The following ATXN7 variants were observed in gnomAD, a reference collection of about 807,000 sequenced individuals.
ATXN7 encodes the protein ataxin-7.
In ATXN7, 12 loss-of-function variants were observed where a neutral mutation model predicts 70.5. That is an observed-to-expected ratio of 0.17 (90% CI 0.11 to 0.28). The LOEUF (loss-of-function observed/expected upper bound fraction) is 0.28. Ranked by LOEUF, ATXN7 falls within the 10% of genes least tolerant of loss-of-function variation. The probability of loss-of-function intolerance (pLI) is 1.00; values close to 1 mark genes in which losing one functional copy is unlikely to be tolerated. For synonymous variants in ATXN7, 498 were observed against 448.7 expected (o/e 1.11, Z -1.39); for missense variants, 1,256 against 1,131.7 (o/e 1.11, Z -1.58).
chr3:63,911,964 T>G (rs1015267067), intron 2 of ATXN7: 1 of 152,284 alleles, frequency 6.6e-6, no homozygotes, highest in African/African-American at 2.4e-5. Context: ...CCTCCATAGG[T>G]GGCTGCATTT....
intron 2 of ATXN7, chr3:63,900,572 G>C (rs2107267525): frequency 6.6e-6 from 1 of 152,406 alleles, no homozygotes; most frequent in South Asian, 2.1e-4. Context: ...CCAGAGAAGA[G>C]AGAAACAGGC....
intron 5 of ATXN7, among the ~76,000 whole-genome samples, chr3:63,956,272 A>C (rs1049828995): frequency 6.6e-6 from 1 of 152,210 alleles, no homozygotes; most frequent in African/African-American, 2.4e-5. Flanking sequence ...TGTACTAAAA[A>C]TACAAAAAAT....
At chr3:63,976,298 G>A (rs1040782002) in intron 5 of ATXN7, among the ~76,000 whole-genome samples, 1 of 152,142 alleles carries the variant, frequency 6.6e-6, no homozygotes, top group Non-Finnish European at 1.5e-5. Context: ...TTCTTGTGGG[G>A]GGAAAGCCAG....
rs981346851 is a variant in ATXN7 at position 64,002,229 on chromosome 3, T to A, written c.*2762T>A. 6 of 152,634 alleles carry A rather than the reference T, an allele frequency of 3.9e-5. No individual in the cohort carries two copies. The highest frequency in any genetic ancestry group is 4.8e-5 in the African/African-American group (2 of 41,454). 9.5% of individuals were successfully genotyped at this position (152,634 alleles called of 1,614,324 possible). On this transcript the variant is annotated 3_prime_UTR_variant, in exon 13 of 13. Coordinates refer to ENST00000674280, the MANE Select transcript of ATXN7 (RefSeq NM_001377405.1). ...CAATTGAGATCATCTAGTATTTATT[T>A]ATTAATTAATAAAAGTAAATACCTT...
chr3:63,998,287 G>C (rs1224005636), intron 12 of ATXN7: 1 of 983,714 alleles, frequency 1.0e-6, no homozygotes, highest in Non-Finnish European at 1.2e-6. Context: ...CCAGACATTT[G>C]TTACCAGTTT....
At chr3:63,935,756 G>T (rs755102244) in intron 4 of ATXN7, among the ~76,000 whole-genome samples, 14 of 147,910 alleles carry the variant, frequency 9.5e-5, no homozygotes, top group Non-Finnish European at 1.9e-4. Context: ...TAGTACCAAC[G>T]TTTTTTTTTT....
At chr3:63,989,710 G>C (rs1349637278) in intron 9 of ATXN7, among the ~76,000 whole-genome samples, 1 of 152,082 alleles carries the variant, frequency 6.6e-6, no homozygotes. Context: ...TTTATATCAG[G>C]CCACTTTGTA....
At chr3:63,926,393 G>A (rs965071306) in intron 4 of ATXN7, among the ~76,000 whole-genome samples, 2 of 152,226 alleles carry the variant, frequency 1.3e-5, no homozygotes, top group African/African-American at 4.8e-5. Context: ...CTTGTAGGAT[G>A]TGAGAGCTTC....
chr3:63,990,613 C>T (rs777928645), intron 10 of ATXN7, 125 bp from the exon 11 acceptor site: 10 of 1,470,270 alleles, frequency 6.8e-6, no homozygotes, highest in Admixed American at 1.7e-5. Context: ...TCATGCTTCA[C>T]AGCCTCCGGT....
intron 2 of ATXN7, among the ~76,000 whole-genome samples, 157 bp from the exon 3 acceptor site, chr3:63,912,431 C>T (rs1704062804): frequency 6.6e-6 from 1 of 151,098 alleles, no homozygotes; most frequent in Non-Finnish European, 1.5e-5. Flanking sequence ...GGGGGGTGGC[C>T]TTGAGGAGGC....
intron 1 of ATXN7, among the ~76,000 whole-genome samples, chr3:63,878,855 G>C (rs1415470019): frequency 6.6e-6 from 1 of 152,142 alleles, no homozygotes; most frequent in Non-Finnish European, 1.5e-5. Flanking sequence ...AGAGCAGGGA[G>C]GGAACAAGGA....
chr3:63,974,034 C>T (rs1405088925), intron 5 of ATXN7, among the ~76,000 whole-genome samples: 1 of 152,122 alleles, frequency 6.6e-6, no homozygotes, highest in Non-Finnish European at 1.5e-5. Context: ...TAACCTGTAG[C>T]TTGGTTTTCA....
intron 1 of ATXN7, among the ~76,000 whole-genome samples, chr3:63,890,120 A>T (rs1262565979): frequency 1.3e-5 from 2 of 152,168 alleles, no homozygotes; most frequent in African/African-American, 2.4e-5. Context: ...CATTAATGAT[A>T]CTCATTAAGT....
chr3:63,916,935 A>G (rs1340330754), intron 4 of ATXN7, among the ~76,000 whole-genome samples: 2 of 152,098 alleles, frequency 1.3e-5, no homozygotes, highest in Non-Finnish European at 2.9e-5. Context: ...TGTTGTTGAG[A>G]TGGAGTCTCG....
At chr3:63,919,412 C>G (rs769996707) in intron 4 of ATXN7, among the ~76,000 whole-genome samples, 4 of 152,130 alleles carry the variant, frequency 2.6e-5, no homozygotes, top group Non-Finnish European at 4.4e-5. Flanking sequence ...TCGCAGAATA[C>G]AGTCTTATTA....
At chr3:63,875,359 T>A (rs1559616904) in intron 1 of ATXN7, among the ~76,000 whole-genome samples, 1 of 152,130 alleles carries the variant, frequency 6.6e-6, no homozygotes, top group Non-Finnish European at 1.5e-5. Context: ...CCCAAAGTGC[T>A]GGGATTACAG....
rs1031462433 is a variant in ATXN7, at chr3:63,982,500, C to T, written c.1012+55C>T. The T allele has an allele frequency of 1.6e-5, 23 of 1,423,128 alleles. No homozygotes were observed. In the African/African-American group the frequency reaches 2.3e-4, roughly 14 times the overall value. The allele number at this position is 1,423,128 out of a possible 1,614,324, so 88.2% of individuals were successfully genotyped here. ...CTTCTCTATATATTAAATGGGCATT[C>T]GTGGGGAGCAAATCAACTGCAATCT... On this transcript the variant is annotated intron_variant, in intron 7 of 12. Coordinates refer to ENST00000674280, the MANE Select transcript of ATXN7 (RefSeq NM_001377405.1).
In ATXN7 at chr3:63,945,694, T is replaced by C. The variant is rs1056028703; in HGVS notation, c.395-6685T>C. Among the ~76,000 whole-genome samples the C allele has an allele frequency of 3.9e-5, 6 of 152,326 alleles. No homozygotes were observed. The East Asian group carries it at 7.7e-4, about 20-fold the overall frequency. ...ACCAGAGCAGTCAACAAGATAGATATGGAATGTAGTCTAGTGGGAGGAAGT... is the reference window on the plus strand; with the variant it reads ...ACCAGAGCAGTCAACAAGATAGATACGGAATGTAGTCTAGTGGGAGGAAGT... On this transcript the variant is annotated intron_variant, in intron 4 of 12. Coordinates refer to ENST00000674280, the MANE Select transcript of ATXN7 (RefSeq NM_001377405.1).
At chr3:63,978,270 A>G (rs1034062719) in intron 5 of ATXN7, among the ~76,000 whole-genome samples, 1 of 152,212 alleles carries the variant, frequency 6.6e-6, no homozygotes, top group Non-Finnish European at 1.5e-5. Context: ...GTTGACAGCC[A>G]CTGGTCTAGG....
Sources: gnomAD v4.1 joint callset for allele counts (sites outside exome capture counted in the v4.1 genomes callset) on GRCh38, gnomAD v4.1.1 for gene constraint, MANE v1.5 for transcripts, NCBI Gene and HGNC (gene_info 2026-07-23, HGNC 2026-07-21) for gene names.